Variants in YWHAE observed in about 807,000 individuals in gnomAD.
YWHAE encodes tyrosine 3-monooxygenase/tryptophan 5-monooxygenase activation protein epsilon.
In YWHAE, 4 loss-of-function variants were observed where a neutral mutation model predicts 30.1. The ratio of observed to expected loss-of-function variants is 0.13; its 90% confidence interval spans 0.07 to 0.30. The LOEUF (loss-of-function observed/expected upper bound fraction) is 0.30. YWHAE is among the 10% of genes least tolerant of loss of function. The pLI is 1.00. For missense variants in YWHAE, 121 were observed against 315.9 expected, an observed-to-expected ratio of 0.38 and a Z score of 4.68; for synonymous variants, 118 against 111.8, an observed-to-expected ratio of 1.06 and a Z score of -0.35.
intron 4 of YWHAE, among the ~76,000 whole-genome samples, chr17:1,355,662 T>C (rs1432907494): frequency 1.3e-5 from 2 of 151,770 alleles, no homozygotes; most frequent in African/African-American, 2.4e-5. Flanking sequence ...GATATACCAA[T>C]AGAAAAAAAA....
Position 1,400,039 on chromosome 17 carries a change from CA to C in YWHAE, c.64+7del. 1 of 1,613,820 alleles carries C rather than the reference CA, an allele frequency of 6.2e-7. No homozygotes were observed. Among genetic ancestry groups the C allele is most frequent in the African/African-American group, 1.3e-5 (1 of 75,046 alleles). On this transcript the variant is annotated splice_region_variant and intron_variant, in intron 1 of 5. Transcript: ENST00000264335. ...GAATTCCAGCCCCCCGTTGCCCCCC[CA>C]ACTCACCGTCGTATCGCTCAGCCTG...
intron 5 of YWHAE, among the ~76,000 whole-genome samples, chr17:1,348,181 T>C (rs2072558559): frequency 6.6e-6 from 1 of 152,204 alleles, no homozygotes; most frequent in Non-Finnish European, 1.5e-5. Flanking sequence ...TCCCTTCTAC[T>C]CTGAGAAGGA....
chr17:1,383,998 G>A (rs574990173), intron 1 of YWHAE, among the ~76,000 whole-genome samples: 1 of 152,014 alleles, frequency 6.6e-6, no homozygotes, highest in East Asian at 2.0e-4. Flanking sequence ...AAGGTCAAGA[G>A]TTCAAGACCA....
chr17:1,353,446 A>AAAAAAAAAAG (rs1246611850), intron 5 of YWHAE, among the ~76,000 whole-genome samples: 1 of 140,760 alleles, frequency 7.1e-6, no homozygotes, highest in African/African-American at 2.6e-5. Context: ...TCAAAAAAAA[A>AAAAAAAAAAG]AAAAGAAAAG....
intron 1 of YWHAE, among the ~76,000 whole-genome samples, chr17:1,374,606 C>A (rs2073096521): frequency 6.6e-6 from 1 of 152,118 alleles, no homozygotes; most frequent in Non-Finnish European, 1.5e-5. Context: ...GTTAGTTATT[C>A]TTTAAACTAG....
intron 4 of YWHAE, among the ~76,000 whole-genome samples, chr17:1,358,007 T>A (rs1598234284): frequency 6.7e-6 from 1 of 149,488 alleles, no homozygotes; most frequent in East Asian, 2.0e-4. Flanking sequence ...GAGGAGAAAA[T>A]ACTCACAAAC....
intron 1 of YWHAE, among the ~76,000 whole-genome samples, chr17:1,392,124 G>A (rs1167649996): frequency 2.0e-5 from 3 of 152,068 alleles, no homozygotes; most frequent in South Asian, 2.1e-4. Flanking sequence ...GGTCAAAGCT[G>A]CAGTGAGCCA....
At chr17:1,380,959 C>T (rs1480957227) in intron 1 of YWHAE, among the ~76,000 whole-genome samples, 1 of 152,184 alleles carries the variant, frequency 6.6e-6, no homozygotes, top group East Asian at 1.9e-4. Flanking sequence ...TAGAAATCAT[C>T]ATTCTGGTTT....
At chr17:1,366,322 T>A (rs910206958) in intron 1 of YWHAE, among the ~76,000 whole-genome samples, 3 of 151,390 alleles carry the variant, frequency 2.0e-5, no homozygotes, top group Non-Finnish European at 2.9e-5. Flanking sequence ...GGCAGATCAT[T>A]TGAGGTCACG....
In YWHAE at chr17:1,345,411, G is replaced by A. The variant is rs768292438; in HGVS notation, c.*36C>T. On this transcript the variant is annotated 3_prime_UTR_variant, in exon 6 of 6. Transcript: ENST00000264335. ...CCAAAGGGTGGGATGGGGAGGAGGGGGTGGTCAGAGATGGTTTCTCTTGTT... is the reference window on the plus strand; with the variant it reads ...CCAAAGGGTGGGATGGGGAGGAGGGAGTGGTCAGAGATGGTTTCTCTTGTT... The A allele has an allele frequency of 2.5e-6, 4 of 1,610,178 alleles. No homozygotes were observed. Among genetic ancestry groups the A allele is most frequent in the Non-Finnish European group, 3.4e-6 (4 of 1,176,566 alleles).
chr17:1,355,389 G>C (rs1028390955), intron 4 of YWHAE, among the ~76,000 whole-genome samples: 4 of 151,566 alleles, frequency 2.6e-5, no homozygotes, highest in African/African-American at 7.3e-5. Flanking sequence ...TTGATCTTCT[G>C]ACCTCGTGAT....
intron 1 of YWHAE, among the ~76,000 whole-genome samples, chr17:1,388,829 T>C (rs2073347184): frequency 6.6e-6 from 1 of 152,222 alleles, no homozygotes; most frequent in South Asian, 2.1e-4. Flanking sequence ...AAAACTGTCA[T>C]AACTGTCATA....
chr17:1,362,134 C>T (rs971343147), intron 2 of YWHAE, 126 bp from the exon 3 acceptor site: 3 of 550,580 alleles, frequency 5.4e-6, no homozygotes, highest in Non-Finnish European at 6.3e-6. Flanking sequence ...CCTCTCCAAA[C>T]TCCCTTCTTC....
At chr17:1,358,326 G>A (rs185541643) in intron 4 of YWHAE, among the ~76,000 whole-genome samples, 1 of 151,962 alleles carries the variant, frequency 6.6e-6, no homozygotes, top group African/African-American at 2.4e-5. Flanking sequence ...TGCAAGTTCC[G>A]CCTCCCAGGT....
At position 1,354,968 on chromosome 17, in the gene YWHAE, T is replaced by G. The variant is rs1235881443; in HGVS notation, c.579-621A>C. ...TGAGCCACCGCGCCCAGCCTAGTTT[T>G]TTTTTTTTTTTTTTTTTTTTTTTTT... On this transcript the variant is annotated intron_variant, in intron 4 of 5. Coordinates refer to ENST00000264335, the MANE Select transcript of YWHAE (RefSeq NM_006761.5). 7.9e-4 allele frequency among the ~76,000 whole-genome samples: 12 copies of G among 15,164 alleles called. No homozygotes were observed. In the African/African-American group the frequency reaches 0.017, roughly 21 times the overall value. The allele number at this position is 15,164 out of a possible 152,430, so 9.9% of individuals were successfully genotyped here.
chr17:1,349,291 G>C (rs541354248), intron 5 of YWHAE, among the ~76,000 whole-genome samples: 1 of 152,282 alleles, frequency 6.6e-6, no homozygotes, highest in East Asian at 1.9e-4. Context: ...GCAGTGAGCA[G>C]AGATTGCGCC....
At chr17:1,352,915 T>C (rs539466525) in intron 5 of YWHAE, among the ~76,000 whole-genome samples, 2 of 152,260 alleles carry the variant, frequency 1.3e-5, no homozygotes, top group Admixed American at 1.3e-4. Flanking sequence ...CCACCAAATG[T>C]AAAACTATCC....
intron 1 of YWHAE, among the ~76,000 whole-genome samples, chr17:1,380,647 G>T (rs62087951): frequency 2.0e-5 from 3 of 152,148 alleles, no homozygotes; most frequent in African/African-American, 7.2e-5. Context: ...CAGACGGGTG[G>T]GGGTGTTAAT....
intron 1 of YWHAE, among the ~76,000 whole-genome samples, chr17:1,382,117 C>T (rs57587206): frequency 6.6e-6 from 1 of 151,942 alleles, no homozygotes; most frequent in African/African-American, 2.4e-5. Flanking sequence ...GGCGCAATCT[C>T]GGCTCACGGC....
Sources: allele counts gnomAD v4.1 joint callset (sites outside exome capture counted in the v4.1 genomes callset), GRCh38; gene constraint gnomAD v4.1.1; transcripts MANE v1.5; gene names NCBI Gene and HGNC (gene_info 2026-07-23, HGNC 2026-07-21).